Variants in FUS observed in about 807,000 individuals in gnomAD.
FUS encodes the protein FUS RNA binding protein.
Under a neutral mutation model 82.7 loss-of-function variants are expected in FUS, and 5 were observed. That is an observed-to-expected ratio of 0.06 (90% CI 0.03 to 0.13). The LOEUF (loss-of-function observed/expected upper bound fraction) is 0.13. Ranked by LOEUF, FUS falls within the 10% of genes least tolerant of loss-of-function variation. FUS has a pLI of 1.00. For missense variants in FUS, 512 were observed against 707.8 expected (o/e 0.72, Z 3.14); for synonymous variants, 281 against 247.4 (o/e 1.14, Z -1.27).
At chr16:31,184,092 G>A (rs1170348223) in intron 4 of FUS, 90 bp downstream of exon 4, 3 of 1,612,306 alleles carry the variant, frequency 1.9e-6, no homozygotes, top group Non-Finnish European at 2.5e-6. Context: ...GCAGTTCAGA[G>A]GTGTAATTGG....
At chr16:31,185,761 T>C (rs1272645256) in intron 6 of FUS, 3 of 328,880 alleles carry the variant, frequency 9.1e-6, no homozygotes, top group Non-Finnish European at 1.2e-5. Flanking sequence ...GGCAAAAATA[T>C]GCTTTGACAG....
At chr16:31,191,145 G>T (rs1409024548) in intron 14 of FUS, 35 bp downstream of exon 14, 2 of 1,609,400 alleles carry the variant, frequency 1.2e-6, no homozygotes, top group Admixed American at 3.4e-5. Flanking sequence ...AAGTAGAGCA[G>T]TTGAACAGAG....
chr16:31,183,095 C>T, intron 3 of FUS: 1 of 251,660 alleles, frequency 4.0e-6, no homozygotes, highest in Non-Finnish European at 7.9e-6. Flanking sequence ...AGTCTTAAAA[C>T]TTTTTGGGAT....
downstream of FUS, chr16:31,194,726 T>C (rs2079401905): frequency 2.1e-6 from 1 of 485,436 alleles, no homozygotes; most frequent in Non-Finnish European, 4.1e-6. Flanking sequence ...ATCATTAGCA[T>C]GAATGAGAAC....
At position 31,190,124 on chromosome 16, in the gene FUS, G is replaced by C. The variant is rs200292328; in HGVS notation, c.1151G>C (p.Gly384Ala). 1.2e-6 allele frequency: 2 copies of C among 1,614,048 alleles called. No homozygotes were observed. The highest frequency in any genetic ancestry group is 1.7e-6 in the Non-Finnish European group (2 of 1,180,042). The part of the protein sequence containing the change: ...DFNRGGGNGR[G>A]GRGRGGPMGR... ...AATCGGGGTGGTGGCAATGGTCGTG[G>C]AGGCCGAGGGCGAGGAGGTGAGGAG... is the stretch of plus-strand genomic sequence containing the variant. The change falls in exon 11 of 15, where the codon GGA becomes GCA. Residue 384 changes from glycine (G) to alanine (A), a missense_variant. Around this residue, in one of 6 missense-constraint regions of FUS, gnomAD observed 63 missense variants for 83.0 expected, o/e 0.76. Transcript: ENST00000254108.
chr16:31,185,365 C>A, intron 6 of FUS, 186 bp downstream of exon 6: 2 of 680,540 alleles, frequency 2.9e-6, no homozygotes, highest in Non-Finnish European at 4.9e-6. Context: ...AACTTGGGAG[C>A]CTGAACTCCC....
At chr16:31,191,713 A>G, downstream of FUS, 1 of 669,792 alleles carries the variant, frequency 1.5e-6, no homozygotes, top group South Asian at 1.5e-5. Flanking sequence ...ACTGGAATAC[A>G]GTGTTCGGGG....
chr16:31,184,032 T>G, intron 4 of FUS, 30 bp downstream of exon 4: 1 of 1,611,962 alleles, frequency 6.2e-7, no homozygotes, highest in Admixed American at 1.7e-5. Flanking sequence ...GGGGAAGGCT[T>G]GAAAAGAGGG....
At chr16:31,193,897 T>C, downstream of FUS, 1 of 527,984 alleles carries the variant, frequency 1.9e-6, no homozygotes, top group Non-Finnish European at 3.7e-6. Context: ...CCTGCCTGCC[T>C]CAGCCTCCCA....
chr16:31,185,288 G>GA lies in FUS; in HGVS notation c.764+109_764+110insA, dbSNP rs1246569685. 5 of 1,300,144 alleles carry GA rather than the reference G, an allele frequency of 3.8e-6. No individual in the cohort carries two copies. The African/African-American group carries it at 7.5e-5, about 19-fold the overall frequency. 80.5% of individuals were successfully genotyped at this position (1,300,144 alleles called of 1,614,324 possible). On this transcript the variant is annotated intron_variant, in intron 6 of 14. Coordinates refer to ENST00000254108, the MANE Select transcript of FUS (RefSeq NM_004960.4). ...ATGGTTTAGTATTCTTGTTGTCTAGGGATCTGTGAGGGCTTTGATTTGGGG... is the reference window on the plus strand; with the variant it reads ...ATGGTTTAGTATTCTTGTTGTCTAGGAGATCTGTGAGGGCTTTGATTTGGGG...
At chr16:31,181,897 ACTTTTT>A (rs2079184814) in intron 1 of FUS, among the ~76,000 whole-genome samples, 1 of 152,060 alleles carries the variant, frequency 6.6e-6, no homozygotes, top group African/African-American at 2.4e-5. Context: ...CATTTTCTTC[ACTTTTT>A]CTTTATTGTA....
At chr16:31,192,592 G>T (rs1326107203), downstream of FUS, 4 of 491,526 alleles carry the variant, frequency 8.1e-6, no homozygotes, top group Non-Finnish European at 1.6e-5. Context: ...ACAGAGTCTT[G>T]CTCTGTCATC....
downstream of FUS, chr16:31,191,791 A>G (rs1433062391): frequency 1.7e-6 from 1 of 582,800 alleles, no homozygotes; most frequent in Non-Finnish European, 3.2e-6. Context: ...TTGGTGTATA[A>G]ATGAGAAATG....
At chr16:31,186,738 C>G in intron 6 of FUS, 64 bp from the exon 7 acceptor site, 11 of 1,537,576 alleles carry the variant, frequency 7.2e-6, no homozygotes, top group South Asian at 1.1e-5. Context: ...TAAACAAAAT[C>G]AAAAAACAAC....
intron 8 of FUS, 177 bp downstream of exon 8, chr16:31,188,534 A>G (rs889627006): frequency 2.6e-5 from 19 of 731,498 alleles, no homozygotes; most frequent in Non-Finnish European, 4.2e-5. Flanking sequence ...TTTCTCAGAA[A>G]TACCTGGCTT....
At chr16:31,191,922 A>G, downstream of FUS, 1 of 535,132 alleles carries the variant, frequency 1.9e-6, no homozygotes, top group Non-Finnish European at 3.6e-6. Flanking sequence ...CCTTTTTAAG[A>G]ACTCTTTGAT....
At chr16:31,193,744 C>G, downstream of FUS, 1 of 531,998 alleles carries the variant, frequency 1.9e-6, no homozygotes. Flanking sequence ...GCCAACCTCC[C>G]ACCTCAGCCT....
chr16:31,188,713 C>G (rs577148948), intron 8 of FUS: 304 of 478,012 alleles, frequency 6.4e-4, no homozygotes, highest in South Asian at 2.3e-3. Flanking sequence ...AGTGAAAGAC[C>G]TGACCACATG....
intron 7 of FUS, chr16:31,187,080 C>A (rs1339686551): frequency 1.7e-6 from 1 of 581,556 alleles, no homozygotes; most frequent in African/African-American, 1.9e-5. Flanking sequence ...TAAGAGGGGT[C>A]TAGTAGGCCT....
Sources: gnomAD v4.1 joint callset for allele counts (sites outside exome capture counted in the v4.1 genomes callset) on GRCh38, gnomAD v4.1.1 for gene constraint, gnomAD v4.1.1 regional missense constraint, MANE v1.5 for transcripts, NCBI Gene and HGNC (gene_info 2026-07-23, HGNC 2026-07-21) for gene names.